Variants in AOC1 observed in about 807,000 individuals in gnomAD.
AOC1 encodes amine oxidase copper containing 1.
In AOC1, 58 loss-of-function variants were observed where a neutral mutation model predicts 57.1. The observed-to-expected ratio is 1.02, with a 90% CI of 0.82 to 1.26. The LOEUF (loss-of-function observed/expected upper bound fraction) is 1.26, where lower values mean the gene tolerates loss of function less well. Ranked by LOEUF, AOC1 falls within the 50% of genes most tolerant of loss-of-function variation. The pLI is 0.00. For missense variants in AOC1, 917 were observed against 1,005.3 expected (o/e 0.91, Z 1.19); for synonymous variants, 401 against 423.4 (o/e 0.95, Z 0.65).
At chr7:150,859,210 G>T (rs1799890697) in intron 3 of AOC1, among the ~76,000 whole-genome samples, 162 bp downstream of exon 3, 1 of 152,008 alleles carries the variant, frequency 6.6e-6, no homozygotes, top group South Asian at 2.1e-4. Flanking sequence ...ACAATATGGG[G>T]GGTAGGGGTG....
At chr7:150,860,873 C>G (rs1799948947) in intron 4 of AOC1, 70 bp from the exon 5 acceptor site, 10 of 1,533,602 alleles carry the variant, frequency 6.5e-6, no homozygotes, top group Non-Finnish European at 8.7e-6. Context: ...TGAAAATGAC[C>G]AAAGGCTAGA....
intron 1 of AOC1, among the ~76,000 whole-genome samples, chr7:150,855,751 G>A (rs1799751211): frequency 6.6e-6 from 1 of 152,210 alleles, no homozygotes; most frequent in Non-Finnish European, 1.5e-5. Flanking sequence ...AACAAGAAGA[G>A]CAGCTAACAT....
chr7:150,858,049 C>T lies in AOC1; in HGVS notation c.1570+9C>T, dbSNP rs769498021. Reference sequence around the variant, plus strand: ...AGACCTGGATGTGGCAGGTAGGACTCAAAGCGAGACTCTCCCGTTCAAACA... The same window carrying T: ...AGACCTGGATGTGGCAGGTAGGACTTAAAGCGAGACTCTCCCGTTCAAACA... On this transcript the variant is annotated intron_variant, in intron 2 of 4. Coordinates refer to ENST00000360937, the MANE Select transcript of AOC1 (RefSeq NM_001091.4). The T allele has an allele frequency of 4.7e-6, 7 of 1,504,226 alleles. No homozygotes were observed. The Admixed American group carries it at 1.3e-4, about 28-fold the overall frequency. 93.2% of individuals were successfully genotyped at this position (1,504,226 alleles called of 1,614,324 possible).
At chr7:150,859,151 G>T in intron 3 of AOC1, 103 bp downstream of exon 3, 8 of 1,246,320 alleles carry the variant, frequency 6.4e-6, no homozygotes, top group Non-Finnish European at 8.6e-6. Flanking sequence ...AGTCTATGTG[G>T]ATATACACAT....
chr7:150,854,346 G>C (rs888105408), intron 1 of AOC1, among the ~76,000 whole-genome samples: 8 of 152,148 alleles, frequency 5.3e-5, no homozygotes, highest in Admixed American at 2.0e-4. Flanking sequence ...GGACATCTCA[G>C]ATCAGCCTTT....
intron 1 of AOC1, among the ~76,000 whole-genome samples, chr7:150,855,592 CAA>C (rs1342507520): frequency 6.6e-6 from 1 of 152,094 alleles, no homozygotes; most frequent in Non-Finnish European, 1.5e-5. Context: ...CTTGGGTGGA[CAA>C]GAGAGGTGAA....
At position 150,856,556 on chromosome 7, in the gene AOC1, A is replaced by C; in HGVS notation, c.86A>C (p.Lys29Thr). Residue 29 changes from lysine (K) to threonine (T), a missense_variant, in exon 2 of 5, where the codon AAG becomes ACG. Physicochemically the swap from Lys to Thr is moderately conservative, Grantham distance 78 (BLOSUM62 -1). Coordinates refer to ENST00000360937, the MANE Select transcript of AOC1 (RefSeq NM_001091.4). This position sits in a 1 kb window ranked among gnomAD's most constrained non-coding sequence, Gnocchi z 5.2. ...AEPSPGTLPRKAGVFSDLSNQ... is the reference protein window; with the variant it reads ...AEPSPGTLPRTAGVFSDLSNQ... The stretch of plus-strand genomic sequence containing the variant: ...CCCTCCCCGGGGACTCTGCCCAGGA[A>C]GGCAGGGGTGTTTTCAGACCTAAGC... 6.2e-7 allele frequency: 1 copy of C among 1,614,056 alleles called. No individual in the cohort carries two copies. Among genetic ancestry groups the C allele is most frequent in the Non-Finnish European group, 8.5e-7 (1 of 1,179,956 alleles).
rs531182439 is a variant in AOC1 at position 150,856,491 on chromosome 7, C to G, written c.21C>G (p.Ala7=). The G allele has an allele frequency of 1.2e-6, 2 of 1,613,476 alleles. No individual in the cohort carries two copies. The highest frequency in any genetic ancestry group is 1.7e-6 in the Non-Finnish European group (2 of 1,179,848). ...GAGAGATGCCGGCCCTGGGCTGGGC[C>G]GTGGCTGCCATCCTGATGCTGCAGA... is the stretch of plus-strand genomic sequence containing the variant. MPALGW[A]VAAILMLQTA... The change falls in exon 2 of 5, where the codon GCC becomes GCG. Residue 7 remains alanine (A), a synonymous_variant. Transcript: ENST00000360937. The surrounding 1 kb of genome is among the most constrained non-coding windows in gnomAD (Gnocchi z 5.2).
chr7:150,858,365 T>C (rs1345027259), intron 2 of AOC1, among the ~76,000 whole-genome samples: 3 of 152,114 alleles, frequency 2.0e-5, no homozygotes, highest in Non-Finnish European at 2.9e-5. Context: ...TGTCTGGGAA[T>C]ATTCAGGGTG....
In AOC1 at chr7:150,857,694, C is replaced by G. The variant is rs201220946; in HGVS notation, c.1224C>G (p.Asp408Glu). 1.2e-6 allele frequency: 2 copies of G among 1,614,128 alleles called. No homozygotes were observed. The highest frequency in any genetic ancestry group is 1.3e-5 in the African/African-American group (1 of 75,044). ...LDTFHYYDAD[D>E]PVHYPRALCL... is the part of the protein sequence containing the mutation. ...CTTTCCACTACTATGATGCCGATGA[C>G]CCGGTCCATTATCCCCGAGCCCTCT... is the stretch of plus-strand genomic sequence containing the variant. The change falls in exon 2 of 5, where the codon GAC (aspartate) becomes GAG (glutamate). Residue 408 changes from aspartate to glutamate, a missense_variant. Coordinates refer to ENST00000360937, the MANE Select transcript of AOC1 (RefSeq NM_001091.4). This position sits in a 1 kb window ranked among gnomAD's most constrained non-coding sequence, Gnocchi z 6.6.
At chr7:150,854,865 C>G (rs1156349130) in intron 1 of AOC1, among the ~76,000 whole-genome samples, 2 of 152,164 alleles carry the variant, frequency 1.3e-5, no homozygotes, top group Admixed American at 6.5e-5. Flanking sequence ...TCCTCGGGGC[C>G]TCCCTTGCAG....
chr7:150,857,555 A>G lies in AOC1; in HGVS notation c.1085A>G (p.His362Arg). 6.2e-7 allele frequency: 1 copy of G among 1,614,018 alleles called. No individual in the cohort carries two copies. ...VQEAVALYGG[H>R]TPAGMQTKYL... ...GAGGCAGTGGCGCTGTATGGAGGAC[A>G]CACACCTGCAGGCATGCAGACCAAG... Residue 362 changes from histidine (H) to arginine (R), a missense_variant, in exon 2 of 5, where the codon CAC becomes CGC. Coordinates refer to ENST00000360937, the MANE Select transcript of AOC1 (RefSeq NM_001091.4). The surrounding 1 kb of genome is among the most constrained non-coding windows in gnomAD (Gnocchi z 6.6).
Position 150,856,138 on chromosome 7 carries a change from C to T in AOC1, c.-16-317C>T, listed in dbSNP as rs1021171350. On this transcript the variant is annotated intron_variant, in intron 1 of 4. Coordinates refer to ENST00000360937, the MANE Select transcript of AOC1 (RefSeq NM_001091.4). This position sits in a 1 kb window ranked among gnomAD's most constrained non-coding sequence, Gnocchi z 5.2. Reference sequence around the variant, plus strand: ...GGCATGTGCAGGGGCCCAGCCTGGCCTCTGTGACTCACGGCACCCCTGGCT... The same window carrying T: ...GGCATGTGCAGGGGCCCAGCCTGGCTTCTGTGACTCACGGCACCCCTGGCT... Among the ~76,000 whole-genome samples the T allele has an allele frequency of 3.3e-5, 5 of 152,212 alleles. No homozygotes were observed. Among genetic ancestry groups the T allele is most frequent in the Admixed American group, 3.3e-4 (5 of 15,278 alleles).
chr7:150,858,941 G>A lies in AOC1; in HGVS notation c.1749G>A (p.Gln583=). 13 of 1,611,690 alleles carry A rather than the reference G, an allele frequency of 8.1e-6. No homozygotes were observed. Among genetic ancestry groups the A allele is most frequent in the South Asian group, 1.1e-5 (1 of 90,742 alleles). Residue 583 remains glutamine, a synonymous_variant, in exon 3 of 5, where the codon CAG becomes CAA. Transcript: ENST00000360937. ...LPKYLLFTSP[Q]ENPWGHKRTY... ...AGTACCTGCTCTTTACCAGCCCCCAGGAGAACCCCTGGGGCCACAAGCGCA... is the reference window on the plus strand; with the variant it reads ...AGTACCTGCTCTTTACCAGCCCCCAAGAGAACCCCTGGGGCCACAAGCGCA...
Position 150,857,881 on chromosome 7 carries a change from C to A in AOC1, c.1411C>A (p.Pro471Thr), listed in dbSNP as rs768960797. The A allele has an allele frequency of 6.2e-7, 1 of 1,613,700 alleles. No individual in the cohort carries two copies. Reference sequence around the variant, plus strand: ...TTACATTTGGGACTTTATCTTCTACCCCAACGGGGTGATGGAGGCCAAGAT... The same window carrying A: ...TTACATTTGGGACTTTATCTTCTACACCAACGGGGTGATGGAGGCCAAGAT... Reference protein sequence around the residue: ...YDYIWDFIFYPNGVMEAKMHA... With the variant: ...YDYIWDFIFYTNGVMEAKMHA... The change falls in exon 2 of 5, where the codon CCC becomes ACC. Residue 471 changes from proline (P) to threonine (T), a missense_variant. Physicochemically the swap from Pro to Thr is conservative, Grantham distance 38. Coordinates refer to ENST00000360937, the MANE Select transcript of AOC1 (RefSeq NM_001091.4). This position sits in a 1 kb window ranked among gnomAD's most constrained non-coding sequence, Gnocchi z 6.6.
At chr7:150,858,671 A>T (rs1799868063) in intron 2 of AOC1, 92 bp from the exon 3 acceptor site, 1 of 1,348,434 alleles carries the variant, frequency 7.4e-7, no homozygotes. Flanking sequence ...TGGCTGTTGG[A>T]TGTGGTGGAG....
chr7:150,859,160 A>G (rs1563098099), intron 3 of AOC1, 112 bp downstream of exon 3: 5 of 1,212,054 alleles, frequency 4.1e-6, no homozygotes, highest in Non-Finnish European at 4.5e-6. Context: ...GGATATACAC[A>G]TATACGTATG....
In AOC1 at chr7:150,859,061, C is replaced by T; in HGVS notation, c.1856+13C>T. The T allele has an allele frequency of 6.5e-7, 1 of 1,540,108 alleles. No homozygotes were observed. The highest frequency in any genetic ancestry group is 1.8e-4 in the Middle Eastern group (1 of 5,530). Reference sequence around the variant, plus strand: ...TCACCTGGGCAAGGTGAGGAAGACCCAGGGGGCCTGGGGGAGGGTCAGTGG... The same window carrying T: ...TCACCTGGGCAAGGTGAGGAAGACCTAGGGGGCCTGGGGGAGGGTCAGTGG... On this transcript the variant is annotated intron_variant, in intron 3 of 4. Transcript: ENST00000360937.
chr7:150,857,929 G>A lies in AOC1; in HGVS notation c.1459G>A (p.Ala487Thr), dbSNP rs374941578. The A allele has an allele frequency of 8.7e-5, 140 of 1,611,690 alleles. No individual in the cohort carries two copies. The highest frequency in any genetic ancestry group is 1.8e-4 in the Admixed American group (11 of 59,930). Residue 487 changes from alanine (A) to threonine (T), a missense_variant, in exon 2 of 5, where the codon GCC becomes ACC. Physicochemically the swap from Ala to Thr is moderately conservative, Grantham distance 58. Transcript: ENST00000360937. This position sits in a 1 kb window ranked among gnomAD's most constrained non-coding sequence, Gnocchi z 6.6. ...GATGCATGCCACTGGCTACGTCCAC[G>A]CCACCTTCTACACCCCCGAGGGGCT... is the stretch of plus-strand genomic sequence containing the variant. ...AKMHATGYVH[A>T]TFYTPEGLRH...
Sources: gnomAD v4.1 joint callset for allele counts (sites outside exome capture counted in the v4.1 genomes callset) on GRCh38, gnomAD v4.1.1 for gene constraint, Gnocchi (gnomAD v3.1) non-coding constraint, MANE v1.5 for transcripts, NCBI Gene and HGNC (gene_info 2026-07-23, HGNC 2026-07-21) for gene names.